CATSPERE: variants seen among roughly 807,000 people sequenced by gnomAD.
The protein encoded by CATSPERE is cation channel sperm-associated auxiliary subunit epsilon.
Under a neutral mutation model 114.1 loss-of-function variants are expected in CATSPERE, and 93 were observed. The observed-to-expected ratio is 0.81, with a 90% CI of 0.69 to 0.97. The LOEUF is 0.97. CATSPERE is among the 50% of genes least tolerant of loss of function. The probability of loss-of-function intolerance (pLI) is 0.00; values close to 1 mark genes in which losing one functional copy is unlikely to be tolerated. For missense variants in CATSPERE, 1,058 were observed against 1,131.6 expected (o/e 0.93, Z 0.93); for synonymous variants, 341 against 384.1 (o/e 0.89, Z 1.31).
At chr1:244,606,442 C>T (rs1219385149) in intron 18 of CATSPERE, among the ~76,000 whole-genome samples, 9 of 149,072 alleles carry the variant, frequency 6.0e-5, no homozygotes, top group African/African-American at 2.2e-4. Flanking sequence ...AGATTTCACT[C>T]GCAAAAAAAA....
At chr1:244,489,959 A>G (rs113111652) in intron 5 of CATSPERE, among the ~76,000 whole-genome samples, 3,089 of 152,278 alleles carry the variant, frequency 0.02, 100 homozygotes, top group African/African-American at 0.07. Context: ...ACTGAGTATT[A>G]AGAAACCTCA....
rs1420286095 is a variant in CATSPERE, at chr1:244,572,350, G to A, written c.1528G>A (p.Val510Ile). The stretch of plus-strand genomic sequence containing the variant: ...TCCAGATTATTATGGAGATATTTTG[G>A]TAAAAATGGAAAATAATGTAATATT... ...VFIDYYGDIL[V>I]KMENNVIFYS... Residue 510 changes from valine (V) to isoleucine (I), a missense_variant, in exon 11 of 22, where the codon GTA (valine) becomes ATA (isoleucine). Val to Ile is a conservative substitution (Grantham distance 29). Coordinates refer to ENST00000366534, the MANE Select transcript of CATSPERE (RefSeq NM_001130957.2). 2.1e-6 allele frequency: 3 copies of A among 1,454,798 alleles called. No individual in the cohort carries two copies. The highest frequency in any genetic ancestry group is 4.7e-5 in the East Asian group (2 of 42,334). The allele number at this position is 1,454,798 out of a possible 1,614,324, so 90.1% of individuals were successfully genotyped here. A position where few individuals can be genotyped will look rare whatever the true frequency, so the allele number is the denominator to read the frequency against.
chr1:244,526,493 C>G (rs1678625263), intron 8 of CATSPERE, among the ~76,000 whole-genome samples: 1 of 151,808 alleles, frequency 6.6e-6, no homozygotes. Flanking sequence ...ATGGCCAATT[C>G]TAGCTACAAG....
At chr1:244,590,690 C>A (rs1303776781) in intron 14 of CATSPERE, among the ~76,000 whole-genome samples, 1 of 152,214 alleles carries the variant, frequency 6.6e-6, no homozygotes, top group East Asian at 1.9e-4. Flanking sequence ...TAAATGGAAT[C>A]CTACAACATA....
At chr1:244,576,721 A>G (rs1247351213) in intron 11 of CATSPERE, among the ~76,000 whole-genome samples, 1 of 152,100 alleles carries the variant, frequency 6.6e-6, no homozygotes, top group Non-Finnish European at 1.5e-5. Flanking sequence ...TGTAACTCAA[A>G]TGGCAGTTTC....
At chr1:244,589,694 T>C (rs1455955128) in intron 14 of CATSPERE, among the ~76,000 whole-genome samples, 1 of 152,160 alleles carries the variant, frequency 6.6e-6, no homozygotes, top group Non-Finnish European at 1.5e-5. Flanking sequence ...GTTACCAAAA[T>C]CAGTTCCCAG....
chr1:244,510,812 C>CTTTTTTTTTTTT (rs112249943), intron 7 of CATSPERE, among the ~76,000 whole-genome samples: 1 of 84,212 alleles, frequency 1.2e-5, no homozygotes, highest in Non-Finnish European at 2.7e-5. Context: ...ACATTTCTTT[C>CTTTTTTTTTTTT]TTTTTTTTTT....
At chr1:244,539,231 C>A (rs1195618902) in intron 8 of CATSPERE, among the ~76,000 whole-genome samples, 1 of 151,006 alleles carries the variant, frequency 6.6e-6, no homozygotes, top group Non-Finnish European at 1.5e-5. Context: ...TTGAGATAAT[C>A]GTGTGGTTTT....
chr1:244,527,504 T>C (rs1678840104), intron 8 of CATSPERE, among the ~76,000 whole-genome samples: 1 of 152,192 alleles, frequency 6.6e-6, no homozygotes, highest in East Asian at 1.9e-4. Context: ...TTTCATATTG[T>C]TCAAACACAC....
At chr1:244,536,314 G>C (rs543097599) in intron 8 of CATSPERE, among the ~76,000 whole-genome samples, 1 of 152,160 alleles carries the variant, frequency 6.6e-6, no homozygotes, top group Admixed American at 6.5e-5. Flanking sequence ...TCTGAGCCCA[G>C]TACAGCACTA....
At chr1:244,594,634 A>C (rs1668150892) in intron 17 of CATSPERE, among the ~76,000 whole-genome samples, 1 of 152,210 alleles carries the variant, frequency 6.6e-6, no homozygotes, top group Non-Finnish European at 1.5e-5. Flanking sequence ...CCTATGTCTA[A>C]AACATCAACA....
rs201313248 is a variant in CATSPERE, at chr1:244,583,859, C to T, written c.2010-5C>T. The stretch of plus-strand genomic sequence containing the variant: ...ACAATAACCTGTACGAATTGTTTCT[C>T]CTAGAGACAAGCACACGGGTCTTGT... On this transcript the variant is annotated splice_region_variant and splice_polypyrimidine_tract_variant and intron_variant, in intron 12 of 21. Coordinates refer to ENST00000366534, the MANE Select transcript of CATSPERE (RefSeq NM_001130957.2). 865 of 1,613,214 alleles carry T rather than the reference C, an allele frequency of 5.4e-4. 3 individuals are homozygous for T. Among genetic ancestry groups the T allele is most frequent in the Non-Finnish European group, 2.1e-4 (244 of 1,179,464 alleles).
At chr1:244,570,234 T>C (rs1459311083) in intron 10 of CATSPERE, among the ~76,000 whole-genome samples, 1 of 152,160 alleles carries the variant, frequency 6.6e-6, no homozygotes, top group Non-Finnish European at 1.5e-5. Flanking sequence ...TTGGCAAAAG[T>C]AGGCTATTTT....
chr1:244,508,510 C>G (rs749811518), intron 7 of CATSPERE, among the ~76,000 whole-genome samples: 31 of 151,744 alleles, frequency 2.0e-4, no homozygotes, highest in African/African-American at 7.2e-4. Flanking sequence ...ACCGTGTTAG[C>G]CAGGATGGTC....
chr1:244,568,843 G>A lies in CATSPERE; in HGVS notation c.1508-3487G>A, dbSNP rs1362569144. The stretch of plus-strand genomic sequence containing the variant: ...CCTGGCTTCAGCCCCCTTTCCAGCG[G>A]AGTGAATCGTTCTCTCTCACTGGTG... On this transcript the variant is annotated intron_variant, in intron 10 of 21. Transcript: ENST00000366534. This position sits in a 1 kb window ranked among gnomAD's most constrained non-coding sequence, Gnocchi z 4.4. Among the ~76,000 whole-genome samples, 2 of 152,152 alleles carry A rather than the reference G, an allele frequency of 1.3e-5. No homozygotes were observed. The highest frequency in any genetic ancestry group is 2.9e-5 in the Non-Finnish European group (2 of 68,018).
chr1:244,488,314 C>T (rs1484532450), intron 5 of CATSPERE, among the ~76,000 whole-genome samples: 1 of 152,200 alleles, frequency 6.6e-6, no homozygotes, highest in Non-Finnish European at 1.5e-5. Context: ...CTTTTTGAAA[C>T]TCTTTCATTC....
upstream of CATSPERE, among the ~76,000 whole-genome samples, chr1:244,458,250 T>C (rs1180558170): frequency 6.6e-6 from 1 of 152,190 alleles, no homozygotes; most frequent in Non-Finnish European, 1.5e-5. Context: ...TTTGTATAAA[T>C]ATGTTATTGG....
chr1:244,589,757 T>C (rs543960844), intron 14 of CATSPERE, among the ~76,000 whole-genome samples: 93 of 152,228 alleles, frequency 6.1e-4, no homozygotes, highest in Non-Finnish European at 7.2e-4. Flanking sequence ...TAAAGTGAGA[T>C]GGAAAGCAGC....
At chr1:244,542,655 G>C (rs748340212) in intron 8 of CATSPERE, among the ~76,000 whole-genome samples, 2 of 152,064 alleles carry the variant, frequency 1.3e-5, no homozygotes, top group African/African-American at 4.8e-5. Flanking sequence ...TGCTGTAAAG[G>C]ACATATTTTA....
Sources: allele counts gnomAD v4.1 joint callset (sites outside exome capture counted in the v4.1 genomes callset), GRCh38; gene constraint gnomAD v4.1.1; non-coding constraint Gnocchi (gnomAD v3.1); transcripts MANE v1.5; gene names NCBI Gene and HGNC (gene_info 2026-07-23, HGNC 2026-07-21).